EPB41L5: variants seen among roughly 807,000 people sequenced by gnomAD.
EPB41L5 encodes erythrocyte membrane protein band 4.1 like 5, also known as band 4.1-like protein 5.
In EPB41L5, 55 loss-of-function variants were observed where a neutral mutation model predicts 106.6. The observed-to-expected ratio is 0.52, with a 90% CI of 0.42 to 0.65. The LOEUF (loss-of-function observed/expected upper bound fraction) is 0.65. EPB41L5 is among the 30% of genes least tolerant of loss of function. EPB41L5 has a pLI of 0.00. For missense variants in EPB41L5, 871 were observed against 882.1 expected, an observed-to-expected ratio of 0.99 and a Z score of 0.16; for synonymous variants, 297 against 306.7, an observed-to-expected ratio of 0.97 and a Z score of 0.33.
intron 3 of EPB41L5, among the ~76,000 whole-genome samples, chr2:120,049,893 T>C (rs1225371767): frequency 6.6e-6 from 1 of 152,200 alleles, no homozygotes; most frequent in Non-Finnish European, 1.5e-5. Flanking sequence ...TGCTTGTCTG[T>C]AAAGGATTTT....
intron 20 of EPB41L5, among the ~76,000 whole-genome samples, chr2:120,146,957 T>G (rs1431599201): frequency 6.6e-6 from 1 of 152,248 alleles, no homozygotes; most frequent in East Asian, 1.9e-4. Flanking sequence ...ACACATAGTA[T>G]GCATAGTGTA....
At chr2:120,113,465 A>G (rs951663251) in intron 16 of EPB41L5, among the ~76,000 whole-genome samples, 3 of 152,232 alleles carry the variant, frequency 2.0e-5, no homozygotes, top group African/African-American at 2.4e-5. Context: ...ATTTCTTTAT[A>G]CATTCTTGAG....
intron 20 of EPB41L5, among the ~76,000 whole-genome samples, chr2:120,156,261 C>G (rs769125513): frequency 1.3e-5 from 2 of 152,150 alleles, no homozygotes; most frequent in Non-Finnish European, 2.9e-5. Flanking sequence ...ACCTGCTTGC[C>G]GGGAAGCCTC....
At chr2:120,112,536 A>G (rs1684769623) in intron 16 of EPB41L5, among the ~76,000 whole-genome samples, 1 of 152,224 alleles carries the variant, frequency 6.6e-6, no homozygotes, top group Non-Finnish European at 1.5e-5. Context: ...TCCAGCAAGC[A>G]AGAAGAGTAG....
At chr2:120,118,089 A>G (rs917208468) in intron 16 of EPB41L5, among the ~76,000 whole-genome samples, 1 of 152,198 alleles carries the variant, frequency 6.6e-6, no homozygotes, top group Non-Finnish European at 1.5e-5. Context: ...CCTCACTGCT[A>G]CATTTTAGAG....
intron 5 of EPB41L5, chr2:120,074,394 C>G: frequency 2.2e-6 from 1 of 451,486 alleles, no homozygotes; most frequent in Non-Finnish European, 3.9e-6. Context: ...TCTTAGCATC[C>G]TCCAAAGGTG....
At chr2:120,135,692 A>T (rs1278111208) in intron 18 of EPB41L5, among the ~76,000 whole-genome samples, 2 of 152,186 alleles carry the variant, frequency 1.3e-5, no homozygotes, top group African/African-American at 2.4e-5. Context: ...AGAGAGTGGC[A>T]TGACATATTT....
chr2:120,040,740 G>T (rs1271564310), intron 2 of EPB41L5, among the ~76,000 whole-genome samples: 1 of 152,168 alleles, frequency 6.6e-6, no homozygotes, highest in African/African-American at 2.4e-5. Context: ...TGGGAATTGG[G>T]TGGAGGGGAG....
At chr2:120,042,240 T>TC (rs965510843) in intron 3 of EPB41L5, 130 bp downstream of exon 3, 17 of 537,608 alleles carry the variant, frequency 3.2e-5, no homozygotes, top group South Asian at 1.2e-4. Context: ...CACCGCTCCC[T>TC]CCCCCCACCT....
At chr2:120,033,967 A>C (rs1186592027) in intron 2 of EPB41L5, among the ~76,000 whole-genome samples, 1 of 151,524 alleles carries the variant, frequency 6.6e-6, no homozygotes, top group Non-Finnish European at 1.5e-5. Context: ...ATGATGGTGC[A>C]CACCTGTGGT....
chr2:120,059,647 A>T lies in EPB41L5; in HGVS notation c.286-13531A>T, dbSNP rs570586400. Among the ~76,000 whole-genome samples the T allele has an allele frequency of 3.3e-5, 5 of 152,294 alleles. No individual in the cohort carries two copies. In the South Asian group the frequency reaches 1.0e-3, roughly 32 times the overall value. ...GCTGGGCGCAGTGGCTCACGCCTCT[A>T]ATCTCATCACTTTGGGAGGCCAAGG... On this transcript the variant is annotated intron_variant, in intron 3 of 24. Coordinates refer to ENST00000263713, the MANE Select transcript of EPB41L5 (RefSeq NM_020909.4).
intron 1 of EPB41L5, among the ~76,000 whole-genome samples, chr2:120,016,275 C>T (rs1168120730): frequency 6.6e-6 from 1 of 152,012 alleles, no homozygotes; most frequent in Non-Finnish European, 1.5e-5. Flanking sequence ...ACTAAAAGCA[C>T]AAAAATTAGC....
intron 16 of EPB41L5, chr2:120,104,360 AGTT>A: frequency 1.4e-6 from 2 of 1,416,106 alleles, no homozygotes; most frequent in Non-Finnish European, 1.8e-6. Context: ...GTGAGTCACT[AGTT>A]GTTCAGTGCT....
At chr2:120,078,333 A>G (rs917374230) in intron 9 of EPB41L5, among the ~76,000 whole-genome samples, 160 bp from the exon 10 acceptor site, 5 of 152,204 alleles carry the variant, frequency 3.3e-5, no homozygotes, top group Non-Finnish European at 5.9e-5. Flanking sequence ...TTCTGAGAAT[A>G]TTATTATGGA....
intron 16 of EPB41L5, chr2:120,104,675 A>T (rs1684345915): frequency 6.1e-6 from 6 of 985,032 alleles, no homozygotes; most frequent in Admixed American, 6.1e-5. Context: ...GCCTTTTGAG[A>T]TATTTATTAA....
intron 24 of EPB41L5, among the ~76,000 whole-genome samples, chr2:120,168,486 C>A (rs1413026511): frequency 6.6e-6 from 1 of 152,164 alleles, no homozygotes; most frequent in Non-Finnish European, 1.5e-5. Context: ...AAACTAGACT[C>A]AAAAACTAGA....
At chr2:120,151,641 A>T (rs1408111788) in intron 20 of EPB41L5, among the ~76,000 whole-genome samples, 1 of 123,164 alleles carries the variant, frequency 8.1e-6, no homozygotes, top group Non-Finnish European at 1.6e-5. Flanking sequence ...TTAAAGACGG[A>T]GTCTTGCTCT....
intron 18 of EPB41L5, among the ~76,000 whole-genome samples, chr2:120,140,766 G>T (rs1267517235): frequency 6.6e-6 from 1 of 152,000 alleles, no homozygotes; most frequent in Non-Finnish European, 1.5e-5. Context: ...GAAAAGGGAT[G>T]CACAACCTGT....
rs559315837 is a variant in EPB41L5, at chr2:120,050,184, C to G, written c.285+8074C>G. On this transcript the variant is annotated intron_variant, in intron 3 of 24. Coordinates refer to ENST00000263713, the MANE Select transcript of EPB41L5 (RefSeq NM_020909.4). ...GAGGAGTATCTTTGTGGCGTTCTCT[C>G]TATTTCCTGAATTTGAATGTTGGCC... Among the ~76,000 whole-genome samples, 11 of 152,208 alleles carry G rather than the reference C, an allele frequency of 7.2e-5. No individual in the cohort carries two copies. In the East Asian group the frequency reaches 1.7e-3, roughly 24 times the overall value.
Sources: allele counts gnomAD v4.1 joint callset (sites outside exome capture counted in the v4.1 genomes callset), GRCh38; gene constraint gnomAD v4.1.1; transcripts MANE v1.5; gene names NCBI Gene and HGNC (gene_info 2026-07-23, HGNC 2026-07-21).